NTM: variants seen among roughly 807,000 people sequenced by gnomAD.
The protein encoded by NTM is IgLON family member 2.
In NTM, 13 loss-of-function variants were observed where a neutral mutation model predicts 42.1. That is an observed-to-expected ratio of 0.31 (90% CI 0.20 to 0.49). NTM has a LOEUF of 0.49. NTM is among the 20% of genes least tolerant of loss of function. The probability of loss-of-function intolerance (pLI) is 0.99; values close to 1 mark genes in which losing one functional copy is unlikely to be tolerated. For missense variants in NTM, 373 were observed against 452.8 expected, an observed-to-expected ratio of 0.82 and a Z score of 1.60; for synonymous variants, 187 against 179.2, an observed-to-expected ratio of 1.04 and a Z score of -0.35.
At chr11:131,448,089 C>T (rs890922310) in intron 1 of NTM, among the ~76,000 whole-genome samples, 4 of 152,244 alleles carry the variant, frequency 2.6e-5, no homozygotes, top group African/African-American at 7.2e-5. Context: ...CCTCTCAGCA[C>T]GTGTGCTTCC....
At position 131,795,624 on chromosome 11, in the gene NTM, G is replaced by A. The variant is rs572450668; in HGVS notation, c.83-115940G>A. On this transcript the variant is annotated intron_variant, in intron 1 of 8. Transcript: ENST00000683400. ...ACAGAGTCATGGGAGACCCTTGTAGGAGCTTGATTCCCATGTAGGCCAGTA... is the reference window on the plus strand; with the variant it reads ...ACAGAGTCATGGGAGACCCTTGTAGAAGCTTGATTCCCATGTAGGCCAGTA... 85 of 985,414 alleles carry A rather than the reference G, an allele frequency of 8.6e-5. No homozygotes were observed. The African/African-American group carries it at 1.4e-3, about 16-fold the overall frequency. 61.0% of individuals were successfully genotyped at this position (985,414 alleles called of 1,614,324 possible).
At chr11:132,298,723 A>G (rs1306271779) in intron 4 of NTM, among the ~76,000 whole-genome samples, 1 of 152,226 alleles carries the variant, frequency 6.6e-6, no homozygotes, top group Non-Finnish European at 1.5e-5. Context: ...AAAAAAAATT[A>G]AGGGAATTTG....
In NTM at chr11:132,002,638, TTC is replaced by T. The variant is rs1267010601; in HGVS notation, c.167+90994_167+90995del. Among the ~76,000 whole-genome samples the T allele has an allele frequency of 6.6e-6, 1 of 152,208 alleles. No homozygotes were observed. The highest frequency in any genetic ancestry group is 2.4e-5 in the African/African-American group (1 of 41,454). ...CAAACTTATGTTTTGTTTTTTCTTTTTCTCTTAGTATCCATGCTTCTCCTGAA... is the reference window on the plus strand; with the variant it reads ...CAAACTTATGTTTTGTTTTTTCTTTTTCTTAGTATCCATGCTTCTCCTGAA... On this transcript the variant is annotated intron_variant, in intron 2 of 8. Transcript: ENST00000683400. This position sits in a 1 kb window ranked among gnomAD's most constrained non-coding sequence, Gnocchi z 4.5.
chr11:131,655,049 C>T (rs1428108839), intron 1 of NTM, among the ~76,000 whole-genome samples: 3 of 152,174 alleles, frequency 2.0e-5, no homozygotes, highest in Non-Finnish European at 4.4e-5. Context: ...CCCGCCACTC[C>T]GCCGGTCCTC....
chr11:131,791,221 A>C (rs1426839883), intron 1 of NTM, among the ~76,000 whole-genome samples: 3 of 152,238 alleles, frequency 2.0e-5, no homozygotes, highest in Non-Finnish European at 4.4e-5. Flanking sequence ...TGTATAATAA[A>C]GTAGTAAGGT....
chr11:131,548,778 T>G (rs780363537), intron 1 of NTM, among the ~76,000 whole-genome samples: 5 of 152,088 alleles, frequency 3.3e-5, no homozygotes, highest in Non-Finnish European at 2.9e-5. Flanking sequence ...AGCACGTACA[T>G]GGAATGAAAA....
chr11:131,959,744 A>C (rs573250071), intron 2 of NTM, among the ~76,000 whole-genome samples: 2 of 152,322 alleles, frequency 1.3e-5, no homozygotes, highest in South Asian at 4.1e-4. Flanking sequence ...CTAATACAGC[A>C]TTTAATTAAA....
chr11:131,773,334 A>C (rs2086439383), intron 1 of NTM, among the ~76,000 whole-genome samples: 1 of 152,246 alleles, frequency 6.6e-6, no homozygotes, highest in African/African-American at 2.4e-5. Context: ...CCACTGCTTA[A>C]TACCATTATT....
chr11:131,667,964 C>T (rs188512506), intron 1 of NTM, among the ~76,000 whole-genome samples: 16 of 152,288 alleles, frequency 1.1e-4, no homozygotes, highest in African/African-American at 3.1e-4. Flanking sequence ...TCATAGTTGC[C>T]ACACACTGTG....
chr11:132,171,994 C>A (rs979848753), intron 3 of NTM, among the ~76,000 whole-genome samples: 4 of 152,186 alleles, frequency 2.6e-5, no homozygotes, highest in Non-Finnish European at 5.9e-5. Flanking sequence ...GTGGCCTTGG[C>A]CTATATTGGT....
intron 1 of NTM, among the ~76,000 whole-genome samples, chr11:131,398,395 T>G (rs890506048): frequency 6.6e-6 from 1 of 152,220 alleles, no homozygotes; most frequent in Non-Finnish European, 1.5e-5. Context: ...CAATTACATT[T>G]AATGTATTTT....
intron 4 of NTM, among the ~76,000 whole-genome samples, chr11:132,230,658 A>G (rs566935823): frequency 2.2e-4 from 34 of 152,312 alleles, no homozygotes; most frequent in African/African-American, 7.9e-4. Context: ...CCGTGATAGG[A>G]TGTATATTCC....
intron 1 of NTM, among the ~76,000 whole-genome samples, chr11:131,799,819 G>C (rs1053306553): frequency 1.3e-5 from 2 of 152,218 alleles, no homozygotes; most frequent in African/African-American, 4.8e-5. Flanking sequence ...GTGGCCTGCA[G>C]TTAACTATGG....
intron 1 of NTM, among the ~76,000 whole-genome samples, chr11:131,763,701 C>T (rs11222780): frequency 5.6e-4 from 70 of 124,196 alleles, no homozygotes; most frequent in African/African-American, 1.8e-3. Flanking sequence ...ACAGGCCCAT[C>T]TCTCTCTCTT....
intron 3 of NTM, among the ~76,000 whole-genome samples, chr11:132,177,139 G>A (rs1169094297): frequency 6.6e-6 from 1 of 152,184 alleles, no homozygotes; most frequent in Non-Finnish European, 1.5e-5. Context: ...GCTCAGCAAA[G>A]TGAAGGTGAT....
chr11:131,496,290 C>T (rs115965431), intron 1 of NTM, among the ~76,000 whole-genome samples: 2,163 of 152,314 alleles, frequency 0.014, 60 homozygotes, highest in African/African-American at 0.049. Context: ...CATTCAAGGT[C>T]CTGCGGACAG....
intron 1 of NTM, among the ~76,000 whole-genome samples, chr11:131,603,998 C>T (rs2137451966): frequency 6.6e-6 from 1 of 152,168 alleles, no homozygotes; most frequent in East Asian, 1.9e-4. Context: ...TTTGAACATG[C>T]TTGTACAAGT....
rs199824869 is a variant in NTM at position 131,664,753 on chromosome 11, GTTTT to G, written c.83-246788_83-246785del. On this transcript the variant is annotated intron_variant, in intron 1 of 8. Transcript: ENST00000683400. ...AAGGGGGCCACTGCTCTCTTCCATT[GTTTT>G]TTTTTTTTTTTTTTTTTTTTTTAGA... Among the ~76,000 whole-genome samples, 44 of 112,886 alleles carry G rather than the reference GTTTT, an allele frequency of 3.9e-4. 2 individuals carry two copies. The highest frequency in any genetic ancestry group is 1.4e-3 in the African/African-American group (42 of 29,882). 74.1% of individuals were successfully genotyped at this position (112,886 alleles called of 152,430 possible).
chr11:131,761,986 G>A (rs1433045678), intron 1 of NTM, among the ~76,000 whole-genome samples: 1 of 152,178 alleles, frequency 6.6e-6, no homozygotes, highest in Non-Finnish European at 1.5e-5. Flanking sequence ...CCTGATCAGA[G>A]CCCAGCCATG....
Sources: gnomAD v4.1 joint callset for allele counts (sites outside exome capture counted in the v4.1 genomes callset) on GRCh38, gnomAD v4.1.1 for gene constraint, Gnocchi (gnomAD v3.1) non-coding constraint, MANE v1.5 for transcripts, NCBI Gene and HGNC (gene_info 2026-07-23, HGNC 2026-07-21) for gene names.